NEGR1: variants seen among roughly 807,000 people sequenced by gnomAD.
NEGR1 encodes neuronal growth regulator 1.
NEGR1 carries 10 observed loss-of-function variants against 40.9 expected under a neutral mutation model. The observed-to-expected ratio is 0.24, with a 90% CI of 0.15 to 0.42. The LOEUF (loss-of-function observed/expected upper bound fraction) is 0.42. Among genes scored for constraint, NEGR1 ranks in the 10% least tolerant of loss-of-function variants. The probability of loss-of-function intolerance (pLI) is 1.00; values close to 1 mark genes in which losing one functional copy is unlikely to be tolerated. For synonymous variants in NEGR1, 185 were observed against 166.8 expected (o/e 1.11, Z -0.84); for missense variants, 352 against 438.9 (o/e 0.80, Z 1.77).
At chr1:72,155,663 T>C (rs1470205775) in intron 1 of NEGR1, among the ~76,000 whole-genome samples, 8 of 152,092 alleles carry the variant, frequency 5.3e-5, no homozygotes, top group Non-Finnish European at 1.0e-4. Flanking sequence ...ATAAAGCCAA[T>C]TTAGGCTTTC....
chr1:71,880,632 A>C (rs1485108227), intron 2 of NEGR1, among the ~76,000 whole-genome samples: 2 of 152,014 alleles, frequency 1.3e-5, no homozygotes, highest in Non-Finnish European at 2.9e-5. Context: ...GAAGCTTTTC[A>C]AAGTACTCTT....
intron 4 of NEGR1, among the ~76,000 whole-genome samples, chr1:71,690,609 T>G (rs1485605040): frequency 4.1e-4 from 32 of 78,594 alleles, no homozygotes; most frequent in East Asian, 7.4e-4. Flanking sequence ...CATATATATA[T>G]AGAGGGAGAC....
intron 1 of NEGR1, among the ~76,000 whole-genome samples, chr1:72,021,481 T>C (rs1353524668): frequency 6.6e-6 from 1 of 151,854 alleles, no homozygotes; most frequent in African/African-American, 2.4e-5. Flanking sequence ...TCAAGAAAAT[T>C]AATATTAGCA....
intron 4 of NEGR1, among the ~76,000 whole-genome samples, chr1:71,640,933 G>T (rs976432805): frequency 2.8e-4 from 43 of 152,000 alleles, no homozygotes; most frequent in African/African-American, 1.0e-3. Flanking sequence ...GGGATGGATG[G>T]TGAATGACTC....
At chr1:71,927,339 T>C (rs984518158) in intron 2 of NEGR1, among the ~76,000 whole-genome samples, 3 of 152,194 alleles carry the variant, frequency 2.0e-5, no homozygotes, top group Non-Finnish European at 4.4e-5. Flanking sequence ...AACCTGAGTT[T>C]TTCTGTCAAG....
At chr1:72,138,151 G>C (rs1311759089) in intron 1 of NEGR1, among the ~76,000 whole-genome samples, 2 of 151,922 alleles carry the variant, frequency 1.3e-5, no homozygotes, top group Non-Finnish European at 2.9e-5. Context: ...TAACATGATG[G>C]AGTATATGTA....
At chr1:71,623,159 AT>A (rs1211408758) in intron 4 of NEGR1, among the ~76,000 whole-genome samples, 1 of 151,838 alleles carries the variant, frequency 6.6e-6, no homozygotes, top group Non-Finnish European at 1.5e-5. Context: ...AAAAAATAAG[AT>A]TTATATCATA....
At chr1:71,564,642 T>A (rs1648560896) in intron 6 of NEGR1, among the ~76,000 whole-genome samples, 1 of 152,118 alleles carries the variant, frequency 6.6e-6, no homozygotes, top group Non-Finnish European at 1.5e-5. Flanking sequence ...TTTTTGTTGA[T>A]AGTTCAAAGA....
chr1:71,845,030 G>A (rs1481616912), intron 2 of NEGR1, among the ~76,000 whole-genome samples: 4 of 152,086 alleles, frequency 2.6e-5, no homozygotes, highest in Non-Finnish European at 4.4e-5. Flanking sequence ...TGAGGTCAAG[G>A]CAAATAGAGG....
intron 1 of NEGR1, among the ~76,000 whole-genome samples, chr1:72,054,452 T>A (rs1409177265): frequency 6.6e-6 from 1 of 151,382 alleles, no homozygotes; most frequent in Non-Finnish European, 1.5e-5. Context: ...CTCAAGTCTA[T>A]AAGCTACAGT....
At chr1:71,934,235 C>CA (rs1645882033) in intron 2 of NEGR1, among the ~76,000 whole-genome samples, 1 of 151,962 alleles carries the variant, frequency 6.6e-6, no homozygotes, top group African/African-American at 2.4e-5. Context: ...AAAAAATAAA[C>CA]GTTTTCCATT....
At chr1:71,485,789 A>G (rs1006539226) in intron 6 of NEGR1, among the ~76,000 whole-genome samples, 3 of 151,652 alleles carry the variant, frequency 2.0e-5, no homozygotes, top group African/African-American at 4.8e-5. Context: ...TTAGTGCTGA[A>G]TAATATTCCA....
chr1:71,410,309 A>G (rs1646311184), intron 6 of NEGR1, among the ~76,000 whole-genome samples: 1 of 152,060 alleles, frequency 6.6e-6, no homozygotes, highest in African/African-American at 2.4e-5. Context: ...AGTCACCATA[A>G]TGTGAGATCA....
At chr1:72,001,526 T>A (rs1377598224) in intron 1 of NEGR1, among the ~76,000 whole-genome samples, 1 of 151,506 alleles carries the variant, frequency 6.6e-6, no homozygotes, top group African/African-American at 2.4e-5. Flanking sequence ...GATCCTGGCA[T>A]GTGAATATTT....
chr1:71,969,366 A>G (rs1646237630), intron 1 of NEGR1, among the ~76,000 whole-genome samples: 1 of 152,198 alleles, frequency 6.6e-6, no homozygotes, highest in South Asian at 2.1e-4. Context: ...TCATGTTCTA[A>G]GAACTAAGAT....
At chr1:71,435,555 T>C (rs1646503790) in intron 6 of NEGR1, among the ~76,000 whole-genome samples, 1 of 151,642 alleles carries the variant, frequency 6.6e-6, no homozygotes, top group African/African-American at 2.4e-5. Flanking sequence ...CACAGAGACA[T>C]TTATTAGTAA....
chr1:71,735,002 G>C (rs905903732), intron 3 of NEGR1, among the ~76,000 whole-genome samples: 1 of 151,746 alleles, frequency 6.6e-6, no homozygotes, highest in African/African-American at 2.4e-5. Context: ...CTTTTTACCC[G>C]GAAATCTCTG....
intron 6 of NEGR1, among the ~76,000 whole-genome samples, chr1:71,469,957 T>C (rs553207687): frequency 6.6e-6 from 1 of 152,160 alleles, no homozygotes; most frequent in South Asian, 2.1e-4. Context: ...TATGGACACA[T>C]GTAATTTTAT....
intron 6 of NEGR1, among the ~76,000 whole-genome samples, chr1:71,546,460 T>G (rs1647899556): frequency 6.6e-6 from 1 of 151,600 alleles, no homozygotes; most frequent in African/African-American, 2.4e-5. Flanking sequence ...CATAAAAACT[T>G]AAAATTTTAC....
Sources: gnomAD v4.1 joint callset for allele counts (sites outside exome capture counted in the v4.1 genomes callset) on GRCh38, gnomAD v4.1.1 for gene constraint, MANE v1.5 for transcripts, NCBI Gene and HGNC (gene_info 2026-07-23, HGNC 2026-07-21) for gene names.